The following VSIG10 variants were observed in gnomAD, a reference collection of about 807,000 sequenced individuals.
The protein encoded by VSIG10 is V-set and immunoglobulin domain containing 10, also known as V-set and immunoglobulin domain-containing protein 10.
Under a neutral mutation model 58.7 loss-of-function variants are expected in VSIG10, and 48 were observed. The ratio of observed to expected loss-of-function variants is 0.82; its 90% CI spans 0.65 to 1.04. The LOEUF is 1.04. Among genes scored for constraint, VSIG10 ranks in the 50% least tolerant of loss-of-function variants. VSIG10 has a pLI of 0.00. For missense variants in VSIG10, 628 were observed against 670.0 expected, an observed-to-expected ratio of 0.94 and a Z score of 0.69; for synonymous variants, 260 against 267.1, an observed-to-expected ratio of 0.97 and a Z score of 0.26.
Position 118,082,170 on chromosome 12 carries a change from G to C in VSIG10, c.621C>G (p.Leu207=). 6.2e-7 allele frequency: 1 copy of C among 1,614,010 alleles called. No homozygotes were observed. Among genetic ancestry groups the C allele is most frequent in the South Asian group, 1.1e-5 (1 of 91,066 alleles). ...TGGTCACCTTTCGATGTCTCTTGCT[G>C]AGCTGATTCAAGGCTAAACAGGTGT... is the stretch of plus-strand genomic sequence containing the variant. ...GNYTCLALNQ[L]SKRHRKVTTE... is the part of the protein sequence containing the mutation. The change falls in exon 3 of 9, where the codon CTC becomes CTG. Residue 207 remains leucine, a synonymous_variant. Transcript: ENST00000359236.
chr12:118,092,171 A>G (rs1010864637), intron 2 of VSIG10, among the ~76,000 whole-genome samples: 1 of 151,842 alleles, frequency 6.6e-6, no homozygotes, highest in African/African-American at 2.4e-5. Flanking sequence ...GATCCTCCCC[A>G]CTCGGCCTCC....
chr12:118,074,463 A>G (rs1237796157), intron 4 of VSIG10, among the ~76,000 whole-genome samples: 2 of 151,206 alleles, frequency 1.3e-5, no homozygotes, highest in Non-Finnish European at 2.9e-5. Context: ...ACTAAATGGA[A>G]AATTTCAGAA....
intron 5 of VSIG10, among the ~76,000 whole-genome samples, chr12:118,072,477 G>GA (rs1300975440): frequency 7.0e-6 from 1 of 142,890 alleles, no homozygotes; most frequent in Non-Finnish European, 1.5e-5. Context: ...AAAAAAAAAA[G>GA]AAAGAAAGAG....
intron 8 of VSIG10, 145 bp from the exon 9 acceptor site, chr12:118,066,839 G>A (rs968044030): frequency 7.1e-6 from 6 of 847,874 alleles, no homozygotes; most frequent in Admixed American, 5.1e-5. Context: ...GGCAGCGTGT[G>A]TTTTCCCCTT....
At chr12:118,086,179 T>C (rs886576485) in intron 2 of VSIG10, among the ~76,000 whole-genome samples, 1 of 141,530 alleles carries the variant, frequency 7.1e-6, no homozygotes, top group Non-Finnish European at 1.5e-5. Context: ...AAGCACAAAG[T>C]CAGCTGGGCA....
intron 2 of VSIG10, among the ~76,000 whole-genome samples, chr12:118,094,823 G>A (rs1384070956): frequency 6.7e-6 from 1 of 149,096 alleles, no homozygotes; most frequent in Non-Finnish European, 1.5e-5. Flanking sequence ...TGCAACCTCC[G>A]CCTCCCAGGT....
In VSIG10 at chr12:118,079,564, G is replaced by A. The variant is rs376834505; in HGVS notation, c.707C>T (p.Ser236Leu). 2 of 1,613,922 alleles carry A rather than the reference G, an allele frequency of 1.2e-6. No homozygotes were observed. Among genetic ancestry groups the A allele is most frequent in the East Asian group, 2.2e-5 (1 of 44,898 alleles). The part of the protein sequence containing the change: ...SAPQCWAQMA[S>L]GSFMLQLTCR... The stretch of plus-strand genomic sequence containing the variant: ...GGTAAGCTGCAACATGAACGATCCT[G>A]ATGCCATCTGTGCCCAGCACTGGGG... Residue 236 changes from serine (S) to leucine (L), a missense_variant, in exon 4 of 9, where the codon TCA (serine) becomes TTA (leucine). Physicochemically the swap from Ser to Leu is moderately radical, Grantham distance 145 (BLOSUM62 -2). Coordinates refer to ENST00000359236, the MANE Select transcript of VSIG10 (RefSeq NM_019086.6).
Position 118,073,983 on chromosome 12 carries a change from G to C in VSIG10, c.935C>G (p.Ser312Cys). ...ASCMVQIRGP[S>C]LLSEPMKTCF... The stretch of plus-strand genomic sequence containing the variant: ...AGTCTTCATGGGCTCAGAGAGAAGG[G>C]AGGGACCCCCTGGTGATCAGAAGGT... Residue 312 changes from serine to cysteine, a missense_variant, in exon 5 of 9, where the codon TCC becomes TGC. Transcript: ENST00000359236. The C allele has an allele frequency of 6.4e-7, 1 of 1,561,252 alleles. No individual in the cohort carries two copies. The highest frequency in any genetic ancestry group is 8.7e-7 in the Non-Finnish European group (1 of 1,152,226).
At chr12:118,085,739 G>A (rs536285704) in intron 2 of VSIG10, among the ~76,000 whole-genome samples, 9 of 151,640 alleles carry the variant, frequency 5.9e-5, no homozygotes, top group African/African-American at 1.9e-4. Context: ...ATGCACGCCT[G>A]TAGTCCCAGC....
intron 2 of VSIG10, among the ~76,000 whole-genome samples, chr12:118,088,131 G>T (rs943982741): frequency 3.3e-5 from 5 of 151,232 alleles, no homozygotes; most frequent in African/African-American, 1.2e-4. Flanking sequence ...TGTAATCCCA[G>T]CTACTCGGGA....
intron 2 of VSIG10, among the ~76,000 whole-genome samples, chr12:118,087,855 A>AGAG (rs1555273647): frequency 3.0e-5 from 4 of 131,322 alleles, no homozygotes; most frequent in Admixed American, 8.3e-5. Context: ...AAAAAAAAAA[A>AGAG]AGAGAGAGAA....
intron 2 of VSIG10, among the ~76,000 whole-genome samples, chr12:118,083,190 C>T (rs1003768225): frequency 4.1e-5 from 6 of 145,902 alleles, no homozygotes; most frequent in Non-Finnish European, 7.5e-5. Flanking sequence ...GACTGTAATC[C>T]TAGCATTTTG....
chr12:118,071,179 A>T, intron 6 of VSIG10, 112 bp from the exon 7 acceptor site: 1 of 1,310,154 alleles, frequency 7.6e-7, no homozygotes. Context: ...CTGACTCAAT[A>T]TGACAGGTGA....
At chr12:118,078,061 A>T (rs191401965) in intron 4 of VSIG10, among the ~76,000 whole-genome samples, 1 of 152,320 alleles carries the variant, frequency 6.6e-6, no homozygotes, top group Admixed American at 6.5e-5. Flanking sequence ...TCATGTTTAA[A>T]TTTGATCCTC....
At chr12:118,081,957 C>T (rs925421575) in intron 3 of VSIG10, among the ~76,000 whole-genome samples, 170 bp downstream of exon 3, 10 of 142,944 alleles carry the variant, frequency 7.0e-5, no homozygotes, top group Admixed American at 2.3e-4. Flanking sequence ...GTGGAGATTG[C>T]GGCGAGGTGA....
intron 2 of VSIG10, among the ~76,000 whole-genome samples, chr12:118,086,236 G>C (rs971972991): frequency 2.6e-5 from 4 of 152,016 alleles, no homozygotes; most frequent in Admixed American, 2.6e-4. Context: ...GCGGAGGCAG[G>C]CGGATCACTT....
chr12:118,075,695 A>C (rs766043578), intron 4 of VSIG10, among the ~76,000 whole-genome samples: 1 of 152,180 alleles, frequency 6.6e-6, no homozygotes, highest in East Asian at 1.9e-4. Flanking sequence ...CTTACATCAT[A>C]ATAAGCCTAA....
chr12:118,074,549 G>A (rs932577172), intron 4 of VSIG10, among the ~76,000 whole-genome samples: 1 of 151,254 alleles, frequency 6.6e-6, no homozygotes, highest in Non-Finnish European at 1.5e-5. Flanking sequence ...TGCAATCTCA[G>A]CTCACTGCAA....
chr12:118,082,401 G>C lies in VSIG10; in HGVS notation c.390C>G (p.Ile130Met), dbSNP rs1326462499. 1 of 1,612,316 alleles carries C rather than the reference G, an allele frequency of 6.2e-7. No homozygotes were observed. Among genetic ancestry groups the C allele is most frequent in the South Asian group, 1.1e-5 (1 of 91,056 alleles). The change falls in exon 3 of 9, where the codon ATC becomes ATG. Residue 130 changes from isoleucine to methionine, a missense_variant. Ile to Met is a conservative substitution (Grantham distance 10). Coordinates refer to ENST00000359236, the MANE Select transcript of VSIG10 (RefSeq NM_019086.6). ...CGTTGGGGAGTGTGCCGGTGGCCAC[G>C]ATGTGGACCTCAATCTGATAGGGGC... ...ASGPYQIEVH[I>M]VATGTLPNGT...
Sources: allele counts gnomAD v4.1 joint callset (sites outside exome capture counted in the v4.1 genomes callset), GRCh38; gene constraint gnomAD v4.1.1; transcripts MANE v1.5; gene names NCBI Gene and HGNC (gene_info 2026-07-23, HGNC 2026-07-21).